TUSC3: variants seen among roughly 807,000 people sequenced by gnomAD.
The protein encoded by TUSC3 is dolichyl-diphosphooligosaccharide--protein glycosyltransferase subunit TUSC3.
In TUSC3, 45 loss-of-function variants were observed where a neutral mutation model predicts 44.8. That is an observed-to-expected ratio of 1.00 (90% confidence interval 0.79 to 1.29). The LOEUF (loss-of-function observed/expected upper bound fraction) is 1.29, where lower values mean the gene tolerates loss of function less well. TUSC3 is among the 50% of genes most tolerant of loss of function. The pLI, the probability that TUSC3 is intolerant of heterozygous loss-of-function variation, is 0.00. For synonymous variants in TUSC3, 212 were observed against 152.9 expected (o/e 1.39, Z -2.85); for missense variants, 519 against 437.9 (o/e 1.19, Z -1.65).
intron 6 of TUSC3, among the ~76,000 whole-genome samples, chr8:15,717,093 G>C (rs772570015): frequency 1.3e-5 from 2 of 151,988 alleles, no homozygotes; most frequent in African/African-American, 2.4e-5. Flanking sequence ...CTGGACTTAC[G>C]ACTTGAAAAC....
chr8:15,817,449 T>C, the TUSC3 span, among the ~76,000 whole-genome samples: 2 of 152,170 alleles, frequency 1.3e-5, no homozygotes, highest in Non-Finnish European at 2.9e-5. Flanking sequence ...GGTCTCCACC[T>C]AAATCTCATC....
At chr8:15,556,007 T>A (rs1563287693) in intron 1 of TUSC3, among the ~76,000 whole-genome samples, 1 of 151,106 alleles carries the variant, frequency 6.6e-6, no homozygotes, top group South Asian at 2.1e-4. Flanking sequence ...TTTTATTTTT[T>A]ATTTTTTTTT....
intron 1 of TUSC3, among the ~76,000 whole-genome samples, chr8:15,555,276 ATTTTTTTTTTTTT>A (rs35757466): frequency 0.012 from 551 of 44,928 alleles, 10 homozygotes; most frequent in African/African-American, 0.045. Context: ...TGCCAGGCTA[ATTTTTTTTTTTTT>A]TTTTTTTTTT....
chr8:15,442,341 T>C (rs2129118642), intron 1 of TUSC3, among the ~76,000 whole-genome samples: 1 of 152,112 alleles, frequency 6.6e-6, no homozygotes, highest in South Asian at 2.1e-4. Flanking sequence ...TTTTTAAAGG[T>C]AAAGGTTTTA....
At chr8:15,442,804 C>A (rs971031492) in intron 1 of TUSC3, among the ~76,000 whole-genome samples, 2 of 152,120 alleles carry the variant, frequency 1.3e-5, no homozygotes, top group Non-Finnish European at 2.9e-5. Context: ...TCCTCTGAGT[C>A]CTCTTCCCTA....
intron 6 of TUSC3, among the ~76,000 whole-genome samples, chr8:15,711,239 C>T (rs1460848347): frequency 1.3e-5 from 2 of 151,702 alleles, no homozygotes; most frequent in Non-Finnish European, 2.9e-5. Context: ...TCTACTTAAG[C>T]TGAGGCAGTA....
At chr8:15,820,151 C>G in the TUSC3 span, among the ~76,000 whole-genome samples, 5 of 152,120 alleles carry the variant, frequency 3.3e-5, no homozygotes, top group South Asian at 8.3e-4. Flanking sequence ...TGTTAAAGTA[C>G]CTTCATAAAT....
chr8:15,779,135 A>T, the TUSC3 span, among the ~76,000 whole-genome samples: 1 of 148,870 alleles, frequency 6.7e-6, no homozygotes, highest in African/African-American at 2.5e-5. Context: ...TACTTCTAGT[A>T]AAAGAGTAAG....
At chr8:15,417,749 C>A (rs778675679) in intron 1 of TUSC3, among the ~76,000 whole-genome samples, 10 of 152,194 alleles carry the variant, frequency 6.6e-5, no homozygotes, top group Admixed American at 2.0e-4. Context: ...GTAGGATATT[C>A]TGTGGCTAGC....
the TUSC3 span, among the ~76,000 whole-genome samples, chr8:15,845,660 T>C: frequency 2.0e-5 from 3 of 152,154 alleles, no homozygotes; most frequent in Admixed American, 6.6e-5. Context: ...GTCATTTATT[T>C]GCAGGGTGGG....
At chr8:15,485,686 A>T (rs1365880828) in intron 2 of TUSC3, among the ~76,000 whole-genome samples, 1 of 152,132 alleles carries the variant, frequency 6.6e-6, no homozygotes, top group Non-Finnish European at 1.5e-5. Flanking sequence ...GGGAATGAAG[A>T]GTAGGAGGGG....
chr8:15,644,492 C>G lies in TUSC3; in HGVS notation c.309-6205C>G, dbSNP rs1488882828. 3.9e-5 allele frequency among the ~76,000 whole-genome samples: 6 copies of G among 152,248 alleles called. No homozygotes were observed. The South Asian group carries it at 6.2e-4, about 16-fold the overall frequency. On this transcript the variant is annotated intron_variant, in intron 2 of 10. Coordinates refer to ENST00000503731, the MANE Select transcript of TUSC3 (RefSeq NM_006765.4). The stretch of plus-strand genomic sequence containing the variant: ...AGATGGTAGTGAGGTCAGAAGTGTG[C>G]TAATAAGCTTTCGTAATGTCTCATT...
At chr8:15,815,242 A>G in the TUSC3 span, among the ~76,000 whole-genome samples, 6 of 152,204 alleles carry the variant, frequency 3.9e-5, no homozygotes, top group African/African-American at 1.4e-4. Flanking sequence ...ATAGACTATT[A>G]ATAGAGAGAT....
chr8:15,591,718 T>C (rs766749230), intron 1 of TUSC3, among the ~76,000 whole-genome samples: 8 of 152,192 alleles, frequency 5.3e-5, no homozygotes, highest in Admixed American at 1.3e-4. Flanking sequence ...ACAAAAGTTC[T>C]GTGTAGGGGA....
In TUSC3 at chr8:15,649,318, C is replaced by G. The variant is rs188881936; in HGVS notation, c.309-1379C>G. ...TAAGAAGTTTAGCCGGGCGCGGTGG[C>G]TCACGCCTGTAATCCCAGCACTTTG... On this transcript the variant is annotated intron_variant, in intron 2 of 10. Coordinates refer to ENST00000503731, the MANE Select transcript of TUSC3 (RefSeq NM_006765.4). Among the ~76,000 whole-genome samples the G allele has an allele frequency of 3.1e-3, 475 of 152,246 alleles. 2 individuals carry two copies. Among genetic ancestry groups the G allele is most frequent in the African/African-American group, 0.011 (463 of 41,542 alleles).
intron 1 of TUSC3, among the ~76,000 whole-genome samples, chr8:15,460,284 G>A (rs1356914067): frequency 6.6e-6 from 1 of 152,054 alleles, no homozygotes; most frequent in Non-Finnish European, 1.5e-5. Context: ...TTCCCTGATT[G>A]TTAGTGATGT....
intron 1 of TUSC3, among the ~76,000 whole-genome samples, chr8:15,546,735 A>T (rs1425271564): frequency 6.6e-6 from 1 of 151,454 alleles, no homozygotes; most frequent in Non-Finnish European, 1.5e-5. Flanking sequence ...GGGTTTCTCC[A>T]TGTTGGTCAG....
chr8:15,657,483 A>T (rs1807225316), intron 3 of TUSC3, among the ~76,000 whole-genome samples: 1 of 152,140 alleles, frequency 6.6e-6, no homozygotes, highest in African/African-American at 2.4e-5. Context: ...TTTTTTCCAG[A>T]TTTCAATACC....
chr8:15,505,390 T>A (rs1801038659), intron 2 of TUSC3, among the ~76,000 whole-genome samples: 1 of 152,278 alleles, frequency 6.6e-6, no homozygotes, highest in Admixed American at 6.5e-5. Flanking sequence ...GGTTTGTACT[T>A]AATGTACTAT....
Sources: gnomAD v4.1 joint callset for allele counts (sites outside exome capture counted in the v4.1 genomes callset) on GRCh38, gnomAD v4.1.1 for gene constraint, MANE v1.5 for transcripts, NCBI Gene and HGNC (gene_info 2026-07-23, HGNC 2026-07-21) for gene names.